The following NUMB variants were observed in gnomAD, a reference collection of about 807,000 sequenced individuals.
NUMB encodes protein numb homolog.
Under a neutral mutation model 59.7 loss-of-function variants are expected in NUMB, and 29 were observed. The observed-to-expected ratio is 0.49, with a 90% CI of 0.36 to 0.66. The LOEUF (loss-of-function observed/expected upper bound fraction) is 0.66. NUMB is among the 30% of genes least tolerant of loss of function. NUMB has a pLI of 0.00. For synonymous variants in NUMB, 288 were observed against 288.2 expected (o/e 1.00, Z 0.01); for missense variants, 723 against 822.0 (o/e 0.88, Z 1.47).
rs1888682608 is a variant in NUMB, at chr14:73,282,303, T to C, written c.1096+56A>G. 6 of 1,574,092 alleles carry C rather than the reference T, an allele frequency of 3.8e-6. No individual in the cohort carries two copies. In the South Asian group the frequency reaches 4.6e-5, roughly 12 times the overall value. ...ATGCCAACTTACAGTTAGTGAGCAG[T>C]GTACTAAAAGTACTGGTTGTAAAGA... is the stretch of plus-strand genomic sequence containing the variant. On this transcript the variant is annotated intron_variant, in intron 11 of 12. Coordinates refer to ENST00000555238, the MANE Select transcript of NUMB (RefSeq NM_001005743.2).
At chr14:73,392,584 G>A (rs779530196) in intron 2 of NUMB, among the ~76,000 whole-genome samples, 65 of 152,138 alleles carry the variant, frequency 4.3e-4, no homozygotes, top group Non-Finnish European at 8.2e-4. Flanking sequence ...TGCCTTAGTC[G>A]ATATCTAACC....
chr14:73,440,889 A>G (rs1267845111), intron 1 of NUMB, among the ~76,000 whole-genome samples: 1 of 146,096 alleles, frequency 6.8e-6, no homozygotes, highest in Non-Finnish European at 1.5e-5. Context: ...GTCATGGGCC[A>G]GGAGTTTGAG....
chr14:73,284,041 G>A (rs762107015), intron 10 of NUMB, 40 bp downstream of exon 10: 1 of 1,579,104 alleles, frequency 6.3e-7, no homozygotes, highest in Non-Finnish European at 8.7e-7. Context: ...GAATGCTTCA[G>A]TGCTCGAGTA....
At chr14:73,369,008 A>G (rs1399465697) in intron 2 of NUMB, among the ~76,000 whole-genome samples, 2 of 151,986 alleles carry the variant, frequency 1.3e-5, no homozygotes, top group Non-Finnish European at 2.9e-5. Flanking sequence ...AAGGTGGCTA[A>G]TAAAAATGTA....
intron 4 of NUMB, among the ~76,000 whole-genome samples, chr14:73,348,449 G>A (rs1034109580): frequency 2.0e-5 from 3 of 152,218 alleles, no homozygotes; most frequent in African/African-American, 7.2e-5. Flanking sequence ...TGGCCTTTTA[G>A]GAAATGGGCC....
chr14:73,422,122 C>T (rs1897374745), intron 1 of NUMB, among the ~76,000 whole-genome samples: 13 of 146,706 alleles, frequency 8.9e-5, no homozygotes, highest in Admixed American at 7.5e-4. Flanking sequence ...CCAGCCTGGA[C>T]GACAGAGCGA....
intron 8 of NUMB, among the ~76,000 whole-genome samples, chr14:73,290,017 G>A (rs1889290083): frequency 6.6e-6 from 1 of 152,088 alleles, no homozygotes; most frequent in African/African-American, 2.4e-5. Flanking sequence ...CTGGAGATGG[G>A]GCCCAGCAAT....
chr14:73,327,885 A>G (rs751168156), intron 4 of NUMB, among the ~76,000 whole-genome samples: 8 of 152,056 alleles, frequency 5.3e-5, no homozygotes, highest in Non-Finnish European at 1.0e-4. Context: ...GCCCATTTGT[A>G]ATCAACTCCT....
intron 7 of NUMB, 41 bp from the exon 8 acceptor site, chr14:73,292,915 G>A (rs753803558): frequency 1.2e-6 from 2 of 1,603,488 alleles, no homozygotes; most frequent in Non-Finnish European, 1.7e-6. Flanking sequence ...GACTTATGAG[G>A]TTATCTGAGC....
At chr14:73,332,254 CT>C (rs561239587) in intron 4 of NUMB, among the ~76,000 whole-genome samples, 15 of 148,430 alleles carry the variant, frequency 1.0e-4, no homozygotes, top group East Asian at 1.9e-4. Flanking sequence ...ATTCTTTTTT[CT>C]TTTTTTTTTC....
chr14:73,423,961 G>C (rs914723887), intron 1 of NUMB, among the ~76,000 whole-genome samples: 7 of 98,952 alleles, frequency 7.1e-5, no homozygotes, highest in African/African-American at 9.9e-5. Context: ...GTGAGACCCT[G>C]TCTCCAAAAA....
At chr14:73,395,556 G>A (rs1435057503) in intron 2 of NUMB, among the ~76,000 whole-genome samples, 2 of 152,154 alleles carry the variant, frequency 1.3e-5, no homozygotes, top group African/African-American at 4.8e-5. Context: ...GGGAGGTCAA[G>A]GCTGCAGTGA....
chr14:73,319,710 T>C (rs1460461241), intron 5 of NUMB, among the ~76,000 whole-genome samples: 5 of 152,128 alleles, frequency 3.3e-5, no homozygotes, highest in South Asian at 2.1e-4. Context: ...AATTTCTGCA[T>C]AGTAAAAATA....
In NUMB at chr14:73,384,916, G is replaced by A. The variant is rs138238703; in HGVS notation, c.-100-17935C>T. ...TTTTTTTTTTTTTTTTTTTTGAGAC[G>A]GAGTTTCGCTCTTGCTGCCCAGGCT... On this transcript the variant is annotated intron_variant, in intron 2 of 12. Coordinates refer to ENST00000555238, the MANE Select transcript of NUMB (RefSeq NM_001005743.2). Among the ~76,000 whole-genome samples, 326 of 128,570 alleles carry A rather than the reference G, an allele frequency of 2.5e-3. 1 individual carries two copies. Among genetic ancestry groups the A allele is most frequent in the African/African-American group, 8.5e-3 (300 of 35,090 alleles). 84.3% of individuals were successfully genotyped at this position (128,570 alleles called of 152,430 possible).
intron 10 of NUMB, among the ~76,000 whole-genome samples, chr14:73,282,893 C>A (rs1566724749): frequency 6.6e-6 from 1 of 152,180 alleles, no homozygotes; most frequent in Non-Finnish European, 1.5e-5. Context: ...AGACTGTGAT[C>A]TGAATTAGGT....
intron 1 of NUMB, among the ~76,000 whole-genome samples, chr14:73,450,969 C>T (rs745774273): frequency 4.6e-5 from 7 of 151,638 alleles, no homozygotes; most frequent in Admixed American, 2.0e-4. Flanking sequence ...CTGAGCAACA[C>T]GGTGAAATCC....
At chr14:73,361,378 T>C (rs80143369) in intron 3 of NUMB, among the ~76,000 whole-genome samples, 217 of 152,342 alleles carry the variant, frequency 1.4e-3, no homozygotes, top group African/African-American at 4.9e-3. Flanking sequence ...AGCTAATTGT[T>C]CACTAATATA....
chr14:73,376,669 A>C (rs2140067973), intron 2 of NUMB, among the ~76,000 whole-genome samples: 1 of 152,354 alleles, frequency 6.6e-6, no homozygotes, highest in South Asian at 2.1e-4. Context: ...TGGTATTTCA[A>C]AAATACAGAC....
At chr14:73,389,645 C>T (rs1470348261) in intron 2 of NUMB, among the ~76,000 whole-genome samples, 3 of 152,140 alleles carry the variant, frequency 2.0e-5, no homozygotes, top group Non-Finnish European at 2.9e-5. Context: ...AACCACCGTG[C>T]CCGGCCCATC....
Sources: allele counts gnomAD v4.1 joint callset (sites outside exome capture counted in the v4.1 genomes callset), GRCh38; gene constraint gnomAD v4.1.1; transcripts MANE v1.5; gene names NCBI Gene and HGNC (gene_info 2026-07-23, HGNC 2026-07-21).